Variants in ZFR2 observed in about 807,000 individuals in gnomAD.
ZFR2 encodes zinc finger RNA binding protein 2.
ZFR2 carries 104 observed loss-of-function variants against 105.7 expected under a neutral mutation model. The ratio of observed to expected loss-of-function variants is 0.98; its 90% CI spans 0.84 to 1.16. The LOEUF is 1.16. ZFR2 is among the 50% of genes most tolerant of loss of function. The pLI is 0.00. For missense variants in ZFR2, 1,425 were observed against 1,355.5 expected (o/e 1.05, Z -0.80); for synonymous variants, 634 against 597.7 (o/e 1.06, Z -0.89).
chr19:3,827,523 C>T lies in ZFR2; in HGVS notation c.983G>A (p.Cys328Tyr). The T allele has an allele frequency of 4.5e-6, 7 of 1,559,860 alleles. No homozygotes were observed. The highest frequency in any genetic ancestry group is 4.3e-6 in the Non-Finnish European group (5 of 1,152,742). Residue 328 changes from cysteine (C) to tyrosine (Y), a missense_variant, in exon 6 of 19, where the codon TGC becomes TAC. By Grantham distance (194) the Cys-to-Tyr change is radical. Coordinates refer to ENST00000262961, the MANE Select transcript of ZFR2 (RefSeq NM_015174.2). ...GGCCGCGTAGGCGTCCGCCCCGGTG[C>T]AGGACACGGCGCACAGGTCGCAATG... ...QLHCDLCAVSCTGADAYAAHI... is the reference protein window; with the variant it reads ...QLHCDLCAVSYTGADAYAAHI...
intron 11 of ZFR2, among the ~76,000 whole-genome samples, chr19:3,819,832 G>A (rs945680415): frequency 1.6e-5 from 2 of 125,766 alleles, no homozygotes; most frequent in Admixed American, 8.9e-5. Flanking sequence ...CAGCCTGGGC[G>A]ACAGAGTGAG....
At chr19:3,844,567 C>T (rs1367303484) in intron 1 of ZFR2, among the ~76,000 whole-genome samples, 1 of 152,112 alleles carries the variant, frequency 6.6e-6, no homozygotes, top group Non-Finnish European at 1.5e-5. Context: ...GGGGTTTCCA[C>T]CATGTTGGCC....
intron 16 of ZFR2, 146 bp downstream of exon 16, chr19:3,810,604 C>T (rs1320686937): frequency 1.2e-5 from 8 of 671,022 alleles, no homozygotes; most frequent in Non-Finnish European, 1.9e-5. Flanking sequence ...AAGGGGACCT[C>T]AGGGACTCCC....
intron 1 of ZFR2, among the ~76,000 whole-genome samples, chr19:3,848,626 G>C (rs1392155829): frequency 6.6e-6 from 1 of 151,992 alleles, no homozygotes; most frequent in African/African-American, 2.4e-5. Flanking sequence ...AGGATTTCTT[G>C]AACCTAGTAG....
Position 3,852,278 on chromosome 19 carries a change from C to G in ZFR2, c.53+16687G>C, listed in dbSNP as rs984278111. On this transcript the variant is annotated intron_variant, in intron 1 of 18. Coordinates refer to ENST00000262961, the MANE Select transcript of ZFR2 (RefSeq NM_015174.2). The stretch of plus-strand genomic sequence containing the variant: ...CCAGATGGGGCTCAGCTGGGTGGCT[C>G]TCCTGGCTGAGGTGGGGTTCAGCTG... 8 of 603,970 alleles carry G rather than the reference C, an allele frequency of 1.3e-5. No individual in the cohort carries two copies. In the African/African-American group the frequency reaches 1.5e-4, roughly 11 times the overall value. 37.4% of individuals were successfully genotyped at this position (603,970 alleles called of 1,614,324 possible).
At chr19:3,850,216 C>G (rs1457405796) in intron 1 of ZFR2, among the ~76,000 whole-genome samples, 2 of 152,088 alleles carry the variant, frequency 1.3e-5, no homozygotes, top group Non-Finnish European at 2.9e-5. Flanking sequence ...GCTGGAAAAG[C>G]CCCGGGGAAG....
At chr19:3,832,632 T>TG (rs1348575260) in intron 3 of ZFR2, among the ~76,000 whole-genome samples, 3 of 149,594 alleles carry the variant, frequency 2.0e-5, no homozygotes, top group Non-Finnish European at 3.0e-5. Flanking sequence ...TATTTTGTTT[T>TG]TTTTTTTTAT....
chr19:3,852,443 G>C, intron 1 of ZFR2: 1 of 718,048 alleles, frequency 1.4e-6, no homozygotes, highest in Non-Finnish European at 2.6e-6. Flanking sequence ...CAGCAGGCCA[G>C]CCTTGGGTCC....
chr19:3,804,368 C>G lies in ZFR2; in HGVS notation c.*1581G>C, dbSNP rs557825064. The stretch of plus-strand genomic sequence containing the variant: ...GGTCCCCCAGGCACGGGTCCCGGGC[C>G]CTGCTACCACAAGGGGGGATTGGGG... On this transcript the variant is annotated 3_prime_UTR_variant, in exon 19 of 19. Transcript: ENST00000262961. 3 of 152,384 alleles carry G rather than the reference C, an allele frequency of 2.0e-5. No individual in the cohort carries two copies. Among genetic ancestry groups the G allele is most frequent in the South Asian group, 4.1e-4 (2 of 4,834 alleles). 9.4% of individuals were successfully genotyped at this position (152,384 alleles called of 1,614,324 possible).
At chr19:3,857,640 G>A (rs2038322129) in intron 1 of ZFR2, among the ~76,000 whole-genome samples, 1 of 148,630 alleles carries the variant, frequency 6.7e-6, no homozygotes, top group African/African-American at 2.5e-5. Context: ...AGGTTGCTGT[G>A]AGCCGAGATT....
chr19:3,852,227 G>A (rs980898760), intron 1 of ZFR2: 12 of 546,482 alleles, frequency 2.2e-5, no homozygotes, highest in African/African-American at 2.1e-4. Flanking sequence ...TGGCAGAGGT[G>A]GGGCTCAGCT....
intron 1 of ZFR2, among the ~76,000 whole-genome samples, chr19:3,846,714 G>A (rs908315212): frequency 6.6e-6 from 1 of 152,084 alleles, no homozygotes; most frequent in African/African-American, 2.4e-5. Context: ...TTGTTTACTT[G>A]TTTGAAAATA....
intron 1 of ZFR2, among the ~76,000 whole-genome samples, chr19:3,859,244 C>T (rs950213159): frequency 5.9e-5 from 9 of 152,190 alleles, no homozygotes; most frequent in Non-Finnish European, 8.8e-5. Flanking sequence ...ACTCCAAGTT[C>T]TTCAGCTTTT....
chr19:3,808,050 C>A (rs1348652068), intron 17 of ZFR2, among the ~76,000 whole-genome samples: 1 of 128,038 alleles, frequency 7.8e-6, no homozygotes, highest in Non-Finnish European at 1.6e-5. Flanking sequence ...TGTGCCCGTG[C>A]GTGTGCGTGC....
intron 1 of ZFR2, among the ~76,000 whole-genome samples, chr19:3,867,380 A>G (rs543863030): frequency 1.3e-5 from 2 of 152,062 alleles, no homozygotes; most frequent in African/African-American, 4.8e-5. Context: ...GGGCAGATGG[A>G]CGGGCTGAAG....
chr19:3,828,230 C>T (rs1205371542), intron 5 of ZFR2, among the ~76,000 whole-genome samples: 1 of 146,162 alleles, frequency 6.8e-6, no homozygotes, highest in Non-Finnish European at 1.5e-5. Flanking sequence ...CTGCAACCTC[C>T]ACCTCCTGGG....
At chr19:3,826,706 G>A (rs1055690237) in intron 6 of ZFR2, among the ~76,000 whole-genome samples, 3 of 151,674 alleles carry the variant, frequency 2.0e-5, no homozygotes, top group Non-Finnish European at 2.9e-5. Flanking sequence ...CCAAAGTGCC[G>A]GGATTACAGG....
At chr19:3,825,536 C>G in intron 6 of ZFR2, 129 bp from the exon 7 acceptor site, 1 of 1,202,004 alleles carries the variant, frequency 8.3e-7, no homozygotes, top group South Asian at 1.5e-5. Flanking sequence ...GGACCCCCCT[C>G]TCTTCTCTCC....
chr19:3,861,646 C>A (rs2038374862), intron 1 of ZFR2, among the ~76,000 whole-genome samples: 1 of 150,284 alleles, frequency 6.7e-6, no homozygotes, highest in Non-Finnish European at 1.5e-5. Flanking sequence ...TGAAATAGGG[C>A]TGGGCACGGT....
Sources: allele counts gnomAD v4.1 joint callset (sites outside exome capture counted in the v4.1 genomes callset), GRCh38; gene constraint gnomAD v4.1.1; transcripts MANE v1.5; gene names NCBI Gene and HGNC (gene_info 2026-07-23, HGNC 2026-07-21).